The following PTPRN2 variants were observed in gnomAD, a reference collection of about 807,000 sequenced individuals.
The protein encoded by PTPRN2 is receptor-type tyrosine-protein phosphatase N2.
PTPRN2 carries 74 observed loss-of-function variants against 118.8 expected under a neutral mutation model. The ratio of observed to expected loss-of-function variants is 0.62; its 90% CI spans 0.52 to 0.76. PTPRN2 has a LOEUF of 0.76. Ranked by LOEUF, PTPRN2 falls within the 30% of genes least tolerant of loss-of-function variation. PTPRN2 has a pLI of 0.00. For missense variants in PTPRN2, 1,481 were observed against 1,394.4 expected, an observed-to-expected ratio of 1.06 and a Z score of -0.99; for synonymous variants, 641 against 608.0, an observed-to-expected ratio of 1.05 and a Z score of -0.80.
intron 11 of PTPRN2, among the ~76,000 whole-genome samples, chr7:158,069,480 G>A (rs1009679527): frequency 6.6e-6 from 1 of 152,080 alleles, no homozygotes; most frequent in Admixed American, 6.5e-5. Flanking sequence ...TGACAGGCAT[G>A]GCCACCACAC....
rs1344613379 is a variant in PTPRN2, at chr7:158,089,987, T to G, written c.1644-8610A>C. Among the ~76,000 whole-genome samples the G allele has an allele frequency of 5.7e-5, 2 of 34,792 alleles. 1 individual carries two copies. The highest frequency in any genetic ancestry group is 1.8e-4 in the Non-Finnish European group (2 of 11,286). The allele number at this position is 34,792 out of a possible 152,430, so 22.8% of individuals were successfully genotyped here. A position where few individuals can be genotyped will look rare whatever the true frequency, so the allele number is the denominator to read the frequency against. On this transcript the variant is annotated intron_variant, in intron 10 of 22. Transcript: ENST00000389418. ...AAAGAGGGAGTCTTCACACAAACCC[T>G]TCCTCCCCTGACGAAAGAGGGAGTC...
intron 12 of PTPRN2, among the ~76,000 whole-genome samples, chr7:157,744,793 C>T (rs903885221): frequency 1.5e-4 from 23 of 152,106 alleles, no homozygotes; most frequent in African/African-American, 5.3e-4. Flanking sequence ...CCACTGTCCT[C>T]ATCACTCAGG....
chr7:158,193,712 C>T (rs992069585), intron 4 of PTPRN2, among the ~76,000 whole-genome samples: 1 of 152,114 alleles, frequency 6.6e-6, no homozygotes, highest in Non-Finnish European at 1.5e-5. Context: ...GGTCTCTGCA[C>T]CCAGGACTCA....
intron 6 of PTPRN2, among the ~76,000 whole-genome samples, chr7:158,163,632 G>A (rs1213998305): frequency 6.7e-6 from 1 of 148,724 alleles, no homozygotes; most frequent in African/African-American, 2.5e-5. Context: ...AATATTCTCT[G>A]TATATTTCTT....
In PTPRN2 at chr7:157,656,430, C is replaced by T. The variant is rs369227370; in HGVS notation, c.2123G>A (p.Arg708His). ...CTCGGACCAGGATGAGGCGCTGCTG[C>T]GTGCGGAGGGGCTGGGGATCGGCCC... Reference protein sequence around the residue: ...SDGPIPSPSARSSASSWSEEP... With the variant: ...SDGPIPSPSAHSSASSWSEEP... Residue 708 changes from arginine to histidine, a missense_variant, in exon 14 of 23, where the codon CGC becomes CAC. Arg to His is a conservative substitution (Grantham distance 29). Coordinates refer to ENST00000389418, the MANE Select transcript of PTPRN2 (RefSeq NM_002847.5). 4.0e-5 allele frequency: 62 copies of T among 1,553,650 alleles called. No individual in the cohort carries two copies. Among genetic ancestry groups the T allele is most frequent in the African/African-American group, 9.6e-5 (7 of 73,236 alleles).
intron 9 of PTPRN2, among the ~76,000 whole-genome samples, chr7:158,129,579 C>A (rs1031805935): frequency 6.6e-6 from 1 of 151,964 alleles, no homozygotes; most frequent in East Asian, 1.9e-4. Context: ...GCAACACACA[C>A]CACACATCAC....
chr7:158,333,637 C>G, intron 2 of PTPRN2, among the ~76,000 whole-genome samples: 1 of 151,598 alleles, frequency 6.6e-6, no homozygotes. Flanking sequence ...ACAGACATCA[C>G]TCACACCCAC....
At chr7:157,966,214 TG>T (rs1387617470) in intron 11 of PTPRN2, among the ~76,000 whole-genome samples, 1 of 152,238 alleles carries the variant, frequency 6.6e-6, no homozygotes, top group Admixed American at 6.5e-5. Context: ...GCAACACTGC[TG>T]TCCTGGTTTA....
intron 3 of PTPRN2, among the ~76,000 whole-genome samples, chr7:158,266,716 G>A (rs1232924192): frequency 6.6e-6 from 1 of 152,194 alleles, no homozygotes; most frequent in Non-Finnish European, 1.5e-5. Context: ...GCTTTAACCT[G>A]GGCAGAGAGA....
At chr7:157,562,299 C>T (rs998390908) in intron 21 of PTPRN2, among the ~76,000 whole-genome samples, 15 of 152,056 alleles carry the variant, frequency 9.9e-5, no homozygotes, top group African/African-American at 1.4e-4. Context: ...GACCAGCACA[C>T]GAGGGGTGAT....
intron 2 of PTPRN2, among the ~76,000 whole-genome samples, chr7:158,382,826 A>T (rs1476663800): frequency 6.6e-6 from 1 of 152,216 alleles, no homozygotes; most frequent in Non-Finnish European, 1.5e-5. Flanking sequence ...CAGAGATCAC[A>T]ATCAATCAAT....
At position 158,067,944 on chromosome 7, in the gene PTPRN2, C is replaced by A. The variant is rs375730097; in HGVS notation, c.1723+13354G>T. Among the ~76,000 whole-genome samples, 298 of 152,258 alleles carry A rather than the reference C, an allele frequency of 2.0e-3. 1 individual carries two copies. Among genetic ancestry groups the A allele is most frequent in the Middle Eastern group, 6.8e-3 (2 of 294 alleles). On this transcript the variant is annotated intron_variant, in intron 11 of 22. Coordinates refer to ENST00000389418, the MANE Select transcript of PTPRN2 (RefSeq NM_002847.5). ...ATTTGGTGAGGCGGCAGGGTCGGGG[C>A]AGACAGGGTGGGGTCTGAGGACAGC...
intron 11 of PTPRN2, among the ~76,000 whole-genome samples, chr7:158,058,254 C>T (rs1436656233): frequency 0.013 from 1,512 of 116,438 alleles, 52 homozygotes; most frequent in African/African-American, 0.045. Context: ...CCCACGGTGA[C>T]ACATCACTGC....
intron 12 of PTPRN2, among the ~76,000 whole-genome samples, chr7:157,818,628 C>A (rs557156356): frequency 1.2e-4 from 18 of 146,014 alleles, no homozygotes; most frequent in Non-Finnish European, 2.2e-4. Context: ...ATGAGGGGCA[C>A]TGGAGTCCAA....
chr7:157,845,347 C>A lies in PTPRN2; in HGVS notation c.1788+53326G>T, dbSNP rs189367252. Among the ~76,000 whole-genome samples, 1 of 152,114 alleles carries A rather than the reference C, an allele frequency of 6.6e-6. No individual in the cohort carries two copies. Among genetic ancestry groups the A allele is most frequent in the East Asian group, 1.9e-4 (1 of 5,188 alleles). Reference sequence around the variant, plus strand: ...CCGCCCTCTTTTCCCTGGTGAATCACGCAGCCTAACTCACCATGTTCCCGG... The same window carrying A: ...CCGCCCTCTTTTCCCTGGTGAATCAAGCAGCCTAACTCACCATGTTCCCGG... On this transcript the variant is annotated intron_variant, in intron 12 of 22. Transcript: ENST00000389418. This position sits in a 1 kb window ranked among gnomAD's most constrained non-coding sequence, Gnocchi z 4.5.
At chr7:158,319,671 T>TCACA (rs556870561) in intron 2 of PTPRN2, among the ~76,000 whole-genome samples, 1,090 of 3,602 alleles carry the variant, frequency 0.3, 499 homozygotes, top group African/African-American at 0.42. Context: ...ACAGCCTCCC[T>TCACA]CACACACACA....
intron 11 of PTPRN2, among the ~76,000 whole-genome samples, chr7:157,961,751 G>A (rs1267420187): frequency 6.6e-6 from 1 of 152,188 alleles, no homozygotes; most frequent in African/African-American, 2.4e-5. Context: ...ACACTCGAAG[G>A]CACTTAGTAA....
rs11326083 is a variant in PTPRN2, at chr7:158,166,248, CT to C, written c.910+682del. Among the ~76,000 whole-genome samples, 116 of 145,188 alleles carry C rather than the reference CT, an allele frequency of 8.0e-4. 14 individuals are homozygous for C. The highest frequency in any genetic ancestry group is 2.9e-3 in the African/African-American group (104 of 36,324). On this transcript the variant is annotated intron_variant, in intron 6 of 22. Coordinates refer to ENST00000389418, the MANE Select transcript of PTPRN2 (RefSeq NM_002847.5). Reference sequence around the variant, plus strand: ...GTCCTCACACCCTCAGGATCATCTCCTCCTCCCCCTGGCTGCCGCGTTCCCT... The same window carrying C: ...GTCCTCACACCCTCAGGATCATCTCCCCTCCCCCTGGCTGCCGCGTTCCCT...
intron 1 of PTPRN2, among the ~76,000 whole-genome samples, chr7:158,549,793 C>A (rs1826529849): frequency 6.6e-6 from 1 of 152,258 alleles, no homozygotes; most frequent in Non-Finnish European, 1.5e-5. Flanking sequence ...ACTGCGTGTC[C>A]CCAGAGGGCT....
Sources: allele counts gnomAD v4.1 joint callset (sites outside exome capture counted in the v4.1 genomes callset), GRCh38; gene constraint gnomAD v4.1.1; non-coding constraint Gnocchi (gnomAD v3.1); transcripts MANE v1.5; gene names NCBI Gene and HGNC (gene_info 2026-07-23, HGNC 2026-07-21).